The following LYRM4 variants were observed in gnomAD, a reference collection of about 807,000 sequenced individuals.
LYRM4 encodes the protein LYR motif-containing protein 4.
In LYRM4, 9 loss-of-function variants were observed where a neutral mutation model predicts 11.7. The ratio of observed to expected loss-of-function variants is 0.77; its 90% confidence interval spans 0.46 to 1.34. The LOEUF is 1.34. Ranked by LOEUF, LYRM4 falls within the 40% of genes most tolerant of loss-of-function variation. The pLI, the probability that LYRM4 is intolerant of heterozygous loss-of-function variation, is 0.00. For missense variants in LYRM4, 133 were observed against 112.5 expected, an observed-to-expected ratio of 1.18 and a Z score of -0.82; for synonymous variants, 42 against 40.4, an observed-to-expected ratio of 1.04 and a Z score of -0.15.
At chr6:5,072,821 C>T in the LYRM4 span, among the ~76,000 whole-genome samples, 1 of 152,028 alleles carries the variant, frequency 6.6e-6, no homozygotes, top group Non-Finnish European at 1.5e-5. Flanking sequence ...TATAGGTGAT[C>T]AGGGAGGGGC....
At chr6:5,176,498 T>C (rs796985068) in intron 2 of LYRM4, among the ~76,000 whole-genome samples, 34 of 152,338 alleles carry the variant, frequency 2.2e-4, no homozygotes, top group African/African-American at 7.9e-4. Context: ...GGTTCTAAGC[T>C]TTACCTGAGA....
At chr6:5,258,231 C>G (rs1764775709) in intron 1 of LYRM4, among the ~76,000 whole-genome samples, 1 of 152,162 alleles carries the variant, frequency 6.6e-6, no homozygotes, top group Non-Finnish European at 1.5e-5. Flanking sequence ...TATTATAGGT[C>G]TTGCAAGAGA....
intron 2 of LYRM4, among the ~76,000 whole-genome samples, chr6:5,188,216 A>G (rs1760536601): frequency 6.6e-6 from 1 of 152,146 alleles, no homozygotes; most frequent in African/African-American, 2.4e-5. Flanking sequence ...AAAGAAACAA[A>G]CAAAAATTAG....
chr6:5,154,542 C>T (rs979579696), intron 2 of LYRM4, among the ~76,000 whole-genome samples: 8 of 152,120 alleles, frequency 5.3e-5, no homozygotes, highest in South Asian at 2.1e-4. Context: ...TTCGGCCGGG[C>T]GCGGTGGCTC....
chr6:5,188,645 CCT>C (rs1403067569), intron 2 of LYRM4, among the ~76,000 whole-genome samples: 1 of 152,128 alleles, frequency 6.6e-6, no homozygotes, highest in African/African-American at 2.4e-5. Flanking sequence ...GGTAAGTTAA[CCT>C]CTCTAAACTT....
chr6:5,156,865 C>A (rs933951006), intron 2 of LYRM4, among the ~76,000 whole-genome samples: 2 of 152,174 alleles, frequency 1.3e-5, no homozygotes, highest in Non-Finnish European at 2.9e-5. Flanking sequence ...TGCTCATGAA[C>A]CTGCAAAGCT....
At chr6:5,096,999 G>T in the LYRM4 span, among the ~76,000 whole-genome samples, 3 of 152,198 alleles carry the variant, frequency 2.0e-5, no homozygotes, top group African/African-American at 7.2e-5. Flanking sequence ...TTGTCCACAT[G>T]GTGGGACGCT....
At chr6:5,125,685 G>A (rs891195488) in intron 2 of LYRM4, among the ~76,000 whole-genome samples, 8 of 152,314 alleles carry the variant, frequency 5.3e-5, no homozygotes, top group South Asian at 4.1e-4. Flanking sequence ...GGGACAAGAC[G>A]TTCTAATGTA....
At chr6:5,250,088 A>G (rs1764361313) in intron 1 of LYRM4, among the ~76,000 whole-genome samples, 1 of 152,170 alleles carries the variant, frequency 6.6e-6, no homozygotes, top group Non-Finnish European at 1.5e-5. Flanking sequence ...ATTTACTTAT[A>G]ATTGTACTTT....
intron 2 of LYRM4, among the ~76,000 whole-genome samples, chr6:5,115,245 T>C (rs1325453552): frequency 6.6e-6 from 1 of 152,214 alleles, no homozygotes; most frequent in African/African-American, 2.4e-5. Context: ...TAAACAGATA[T>C]GAATATTTTG....
intron 1 of LYRM4, 66 bp from the exon 2 acceptor site, chr6:5,216,804 A>G: frequency 4.5e-6 from 7 of 1,553,000 alleles, no homozygotes; most frequent in Non-Finnish European, 6.0e-6. Flanking sequence ...TTTCAAATGA[A>G]TTTTAAAGTT....
chr6:5,125,319 C>G (rs1250775580), intron 2 of LYRM4, among the ~76,000 whole-genome samples: 2 of 152,200 alleles, frequency 1.3e-5, no homozygotes, highest in African/African-American at 4.8e-5. Context: ...CTCTTCCAAT[C>G]AACTAGTCCT....
chr6:5,056,835 T>TA, the LYRM4 span, among the ~76,000 whole-genome samples: 1 of 152,218 alleles, frequency 6.6e-6, no homozygotes, highest in African/African-American at 2.4e-5. Flanking sequence ...TCTGAATATT[T>TA]ATAGTTTATC....
At chr6:5,136,156 G>T in intron 2 of LYRM4, 3 of 389,034 alleles carry the variant, frequency 7.7e-6, no homozygotes, top group Non-Finnish European at 7.0e-6. Flanking sequence ...GTCTGTTGAG[G>T]GACACTGGGT....
At chr6:5,189,393 T>C (rs1760621757) in intron 2 of LYRM4, among the ~76,000 whole-genome samples, 3 of 151,766 alleles carry the variant, frequency 2.0e-5, no homozygotes, top group Admixed American at 6.6e-5. Flanking sequence ...CTAAGGTTAG[T>C]GCTTAGCCTA....
At chr6:5,099,736 C>T (rs1051965325), downstream of LYRM4, among the ~76,000 whole-genome samples, 1 of 152,150 alleles carries the variant, frequency 6.6e-6, no homozygotes, top group Non-Finnish European at 1.5e-5. This position sits in a 1 kb window ranked among gnomAD's most constrained non-coding sequence, Gnocchi z 4.3. Context: ...AGTCACCGCA[C>T]CTGGCACATC....
At chr6:5,101,504 C>G (rs1478163930), downstream of LYRM4, among the ~76,000 whole-genome samples, 2 of 152,158 alleles carry the variant, frequency 1.3e-5, no homozygotes, top group East Asian at 3.8e-4. Flanking sequence ...AATGAGGAAA[C>G]AGAAATTTGG....
chr6:5,159,020 A>G (rs1581403710), intron 2 of LYRM4, among the ~76,000 whole-genome samples: 1 of 152,044 alleles, frequency 6.6e-6, no homozygotes, highest in Admixed American at 6.5e-5. Context: ...CACATGGGGG[A>G]GGTGGGATCA....
At chr6:5,151,378 C>G (rs375035820) in intron 2 of LYRM4, among the ~76,000 whole-genome samples, 1 of 152,262 alleles carries the variant, frequency 6.6e-6, no homozygotes, top group South Asian at 2.1e-4. Flanking sequence ...CCACCGCACC[C>G]GGCCTCCAAA....
Sources: gnomAD v4.1 joint callset for allele counts (sites outside exome capture counted in the v4.1 genomes callset) on GRCh38, gnomAD v4.1.1 for gene constraint, Gnocchi (gnomAD v3.1) non-coding constraint, MANE v1.5 for transcripts, NCBI Gene and HGNC (gene_info 2026-07-23, HGNC 2026-07-21) for gene names.